GMPR: variants seen among roughly 807,000 people sequenced by gnomAD.
The protein encoded by GMPR is GMP reductase 1.
A neutral mutation model predicts 38.4 loss-of-function variants in GMPR; 31 were observed. The observed-to-expected ratio is 0.81, with a 90% CI of 0.61 to 1.09. GMPR has a LOEUF of 1.09. Ranked by LOEUF, GMPR falls within the 50% of genes least tolerant of loss-of-function variation. The pLI is 0.00. For synonymous variants in GMPR, 162 were observed against 173.3 expected, an observed-to-expected ratio of 0.93 and a Z score of 0.51; for missense variants, 468 against 453.7, an observed-to-expected ratio of 1.03 and a Z score of -0.29.
chr6:16,292,905 G>A (rs1459569656), intron 8 of GMPR, among the ~76,000 whole-genome samples: 1 of 152,220 alleles, frequency 6.6e-6, no homozygotes, highest in East Asian at 1.9e-4. Context: ...ACTCAGTTCT[G>A]AAAGTGGATT....
chr6:16,284,348 T>C (rs947353438), intron 6 of GMPR, among the ~76,000 whole-genome samples: 1 of 152,198 alleles, frequency 6.6e-6, no homozygotes, highest in Non-Finnish European at 1.5e-5. Context: ...CTTCACAAGG[T>C]GGGTCATCCC....
At chr6:16,239,370 A>C (rs1758600897) in intron 1 of GMPR, among the ~76,000 whole-genome samples, 1 of 152,118 alleles carries the variant, frequency 6.6e-6, no homozygotes, top group South Asian at 2.1e-4. Flanking sequence ...CCTGGAGAAG[A>C]GTTTCGAAAG....
At chr6:16,248,085 G>A (rs561900510) in intron 2 of GMPR, among the ~76,000 whole-genome samples, 9 of 151,724 alleles carry the variant, frequency 5.9e-5, no homozygotes, top group Admixed American at 5.9e-4. Context: ...ATGAAAATTG[G>A]CCAGGTGTGG....
rs537181837 is a variant in GMPR, at chr6:16,294,339, CAGAA to C, written c.858-663_858-660del. 2.0e-5 allele frequency among the ~76,000 whole-genome samples: 3 copies of C among 152,288 alleles called. No individual in the cohort carries two copies. In the East Asian group the frequency reaches 5.8e-4, roughly 29 times the overall value. On this transcript the variant is annotated intron_variant, in intron 8 of 8. Coordinates refer to ENST00000259727, the MANE Select transcript of GMPR (RefSeq NM_006877.4). ...GGGGTGGCCAGTGTACCCAGCAAAGCAGAAAGACAGGCAGGCTATCAAAACAGAG... is the reference window on the plus strand; with the variant it reads ...GGGGTGGCCAGTGTACCCAGCAAAGCAGACAGGCAGGCTATCAAAACAGAG...
rs142144837 is a variant in GMPR, at chr6:16,267,445, C to T, written c.466-6970C>T. Among the ~76,000 whole-genome samples the T allele has an allele frequency of 7.4e-3, 1,123 of 152,146 alleles. 14 individuals carry two copies. Among genetic ancestry groups the T allele is most frequent in the African/African-American group, 0.025 (1,054 of 41,516 alleles). ...TGAAGTCAGCGAGACCACGAACCGTCCGGGAGGAATGAACAACTCCGGACG... is the reference window on the plus strand; with the variant it reads ...TGAAGTCAGCGAGACCACGAACCGTTCGGGAGGAATGAACAACTCCGGACG... On this transcript the variant is annotated intron_variant, in intron 4 of 8. Coordinates refer to ENST00000259727, the MANE Select transcript of GMPR (RefSeq NM_006877.4).
At chr6:16,285,293 A>T (rs909713763) in intron 6 of GMPR, among the ~76,000 whole-genome samples, 1 of 152,236 alleles carries the variant, frequency 6.6e-6, no homozygotes, top group African/African-American at 2.4e-5. Flanking sequence ...GTACCTGGAA[A>T]GATAAAAGGA....
chr6:16,285,824 C>T lies in GMPR; in HGVS notation c.686C>T (p.Ala229Val). The change falls in exon 7 of 9, where the codon GCC becomes GTC. Residue 229 changes from alanine (A) to valine (V), a missense_variant. Ala to Val is a moderately conservative substitution (Grantham distance 64, BLOSUM62 0). Transcript: ENST00000259727. ...DGGCTCPGDV[A>V]KAFGAGADFV... ...GGCTGTACGTGTCCAGGGGATGTCG[C>T]CAAAGCCTTTGGTAAGGCCGGGCCC... 6.2e-7 allele frequency: 1 copy of T among 1,612,462 alleles called. No individual in the cohort carries two copies. Among genetic ancestry groups the T allele is most frequent in the Non-Finnish European group, 8.5e-7 (1 of 1,179,232 alleles).
intron 4 of GMPR, among the ~76,000 whole-genome samples, chr6:16,256,758 A>G (rs1758988308): frequency 6.6e-6 from 1 of 152,186 alleles, no homozygotes; most frequent in South Asian, 2.1e-4. Flanking sequence ...ACCCTTGTAG[A>G]TAAGGGTGCT....
intron 4 of GMPR, among the ~76,000 whole-genome samples, chr6:16,271,934 G>GGTGC (rs1404285727): frequency 1.3e-5 from 2 of 152,102 alleles, no homozygotes; most frequent in African/African-American, 4.8e-5. Context: ...TCTTAGGCTG[G>GGTGC]GTGCGGTGCC....
chr6:16,251,113 T>C (rs1758865399), intron 3 of GMPR, among the ~76,000 whole-genome samples: 1 of 152,172 alleles, frequency 6.6e-6, no homozygotes, highest in African/African-American at 2.4e-5. Context: ...GCGTTATTCA[T>C]AATAGCCCAA....
At chr6:16,268,717 C>G (rs1250659801) in intron 4 of GMPR, among the ~76,000 whole-genome samples, 2 of 152,078 alleles carry the variant, frequency 1.3e-5, no homozygotes, top group Non-Finnish European at 2.9e-5. Context: ...CCAGAAAAAC[C>G]AGTAAAAAGT....
intron 8 of GMPR, among the ~76,000 whole-genome samples, chr6:16,290,929 C>T (rs1175091943): frequency 1.3e-5 from 2 of 152,116 alleles, no homozygotes; most frequent in African/African-American, 4.8e-5. Flanking sequence ...CTTGTCCTTC[C>T]AGTAGAGCCT....
At chr6:16,262,700 G>A (rs1003805106) in intron 4 of GMPR, 2 of 152,066 alleles carry the variant, frequency 1.3e-5, no homozygotes, top group African/African-American at 4.8e-5. Flanking sequence ...GTAATAAAGT[G>A]TATTTTGAGA....
chr6:16,283,632 TCTCTTGG>T (rs1759617010), intron 6 of GMPR, among the ~76,000 whole-genome samples: 1 of 152,168 alleles, frequency 6.6e-6, no homozygotes, highest in South Asian at 2.1e-4. Flanking sequence ...TAACTGTGGA[TCTCTTGG>T]CCCATCCTGG....
At chr6:16,268,317 C>CT (rs996389879) in intron 4 of GMPR, among the ~76,000 whole-genome samples, 20 of 152,254 alleles carry the variant, frequency 1.3e-4, no homozygotes, top group African/African-American at 4.3e-4. Flanking sequence ...TGATACTCCT[C>CT]TTTTTTGTTG....
chr6:16,295,291 G>A lies in GMPR; in HGVS notation c.*105G>A, dbSNP rs543188431. The A allele has an allele frequency of 3.6e-5, 29 of 816,062 alleles. No homozygotes were observed. The highest frequency in any genetic ancestry group is 3.3e-4 in the African/African-American group (18 of 55,196). 50.6% of individuals were successfully genotyped at this position (816,062 alleles called of 1,614,324 possible). A position where few individuals can be genotyped will look rare whatever the true frequency, so the allele number is the denominator to read the frequency against. Reference sequence around the variant, plus strand: ...CAGAGCTTCTGGCTGCTCCTGAATGGTGGAATGCTGTGTCCTCTCTTCTGT... The same window carrying A: ...CAGAGCTTCTGGCTGCTCCTGAATGATGGAATGCTGTGTCCTCTCTTCTGT... On this transcript the variant is annotated 3_prime_UTR_variant, in exon 9 of 9. Transcript: ENST00000259727.
At position 16,238,761 on chromosome 6, in the gene GMPR, G is replaced by C. The variant is rs1226848385; in HGVS notation, c.68G>C (p.Ser23Thr). Residue 23 changes from serine (S) to threonine (T), a missense_variant, in exon 1 of 9, where the codon AGC becomes ACC. Coordinates refer to ENST00000259727, the MANE Select transcript of GMPR (RefSeq NM_006877.4). ...GTCCTGCTCCGACCTAAGCGGAGCAGCCTCAAGAGCCGAGCCGAGGTGGGG... is the reference window on the plus strand; with the variant it reads ...GTCCTGCTCCGACCTAAGCGGAGCACCCTCAAGAGCCGAGCCGAGGTGGGG... Reference protein sequence around the residue: ...KDVLLRPKRSSLKSRAEVDLE... With the variant: ...KDVLLRPKRSTLKSRAEVDLE... 8 of 1,466,356 alleles carry C rather than the reference G, an allele frequency of 5.5e-6. No individual in the cohort carries two copies. The highest frequency in any genetic ancestry group is 7.3e-6 in the Non-Finnish European group (8 of 1,094,732). 90.8% of individuals were successfully genotyped at this position (1,466,356 alleles called of 1,614,324 possible). A position where few individuals can be genotyped will look rare whatever the true frequency, so the allele number is the denominator to read the frequency against.
At chr6:16,268,934 A>T (rs1232650397) in intron 4 of GMPR, among the ~76,000 whole-genome samples, 1 of 150,874 alleles carries the variant, frequency 6.6e-6, no homozygotes, top group Non-Finnish European at 1.5e-5. Context: ...ATAAATTTAA[A>T]TTTTTTATTT....
Position 16,257,682 on chromosome 6 carries a change from A to G in GMPR, c.465+2947A>G, listed in dbSNP as rs540692137. On this transcript the variant is annotated intron_variant, in intron 4 of 8. Transcript: ENST00000259727. Reference sequence around the variant, plus strand: ...TCACAGTTCTGGAGGCTGGAATTCCAAAATCAAGGTGTTGGCTGATTTAGT... The same window carrying G: ...TCACAGTTCTGGAGGCTGGAATTCCGAAATCAAGGTGTTGGCTGATTTAGT... Among the ~76,000 whole-genome samples, 183 of 152,334 alleles carry G rather than the reference A, an allele frequency of 1.2e-3. 1 individual carries two copies. Among genetic ancestry groups the G allele is most frequent in the Non-Finnish European group, 2.2e-3 (150 of 68,032 alleles).
Sources: allele counts gnomAD v4.1 joint callset (sites outside exome capture counted in the v4.1 genomes callset), GRCh38; gene constraint gnomAD v4.1.1; transcripts MANE v1.5; gene names NCBI Gene and HGNC (gene_info 2026-07-23, HGNC 2026-07-21).